The following LSM10 variants were observed in gnomAD, a reference collection of about 807,000 sequenced individuals.
LSM10 encodes the protein LSM10, U7 small nuclear RNA associated.
LSM10 carries 4 observed loss-of-function variants against 5.2 expected under a neutral mutation model. The ratio of observed to expected loss-of-function variants is 0.77; its 90% CI spans 0.38 to 1.77. The LOEUF is 1.77. LSM10 is among the 40% of genes most tolerant of loss of function. The pLI is 0.04. For synonymous variants in LSM10, 63 were observed against 67.4 expected (o/e 0.94, Z 0.32); for missense variants, 150 against 171.6 (o/e 0.87, Z 0.70).
In LSM10 at chr1:36,394,173, G is replaced by A. The variant is rs1341384837; in HGVS notation, c.-24-20C>T. 13 of 1,581,446 alleles carry A rather than the reference G, an allele frequency of 8.2e-6. No homozygotes were observed. Among genetic ancestry groups the A allele is most frequent in the Non-Finnish European group, 1.1e-5 (13 of 1,164,590 alleles). On this transcript the variant is annotated intron_variant, in intron 1 of 1. Coordinates refer to ENST00000315732, the MANE Select transcript of LSM10 (RefSeq NM_032881.3). ...TGCTTGCTGTGGACAGGAGCACACA[G>A]ATGGCAGCTATAGCAGGGTAGGGGG... is the stretch of plus-strand genomic sequence containing the variant.
intron 1 of LSM10, among the ~76,000 whole-genome samples, chr1:36,396,955 G>A (rs888781043): frequency 8.8e-5 from 13 of 147,388 alleles, no homozygotes; most frequent in Non-Finnish European, 1.5e-4. Context: ...GTGACACAGC[G>A]AGACTCTCAG....
At position 36,394,157 on chromosome 1, in the gene LSM10, T is replaced by C; in HGVS notation, c.-24-4A>G. ...TTCCACACCAGCTGCCTGCTTGCTG[T>C]GGACAGGAGCACACAGATGGCAGCT... On this transcript the variant is annotated splice_region_variant and splice_polypyrimidine_tract_variant and intron_variant, in intron 1 of 1. Coordinates refer to ENST00000315732, the MANE Select transcript of LSM10 (RefSeq NM_032881.3). 12 of 1,596,050 alleles carry C rather than the reference T, an allele frequency of 7.5e-6. No homozygotes were observed. Among genetic ancestry groups the C allele is most frequent in the Non-Finnish European group, 1.0e-5 (12 of 1,172,138 alleles).
intron 1 of LSM10, among the ~76,000 whole-genome samples, chr1:36,395,992 C>T (rs1405931559): frequency 6.6e-6 from 1 of 151,762 alleles, no homozygotes; most frequent in Non-Finnish European, 1.5e-5. Context: ...GAGACCGAGG[C>T]GGGCGGATCA....
At chr1:36,394,647 A>C (rs1419469870) in intron 1 of LSM10, among the ~76,000 whole-genome samples, 1 of 152,058 alleles carries the variant, frequency 6.6e-6, no homozygotes, top group East Asian at 1.9e-4. Context: ...TCTACTAAAA[A>C]TGCAAAAAAA....
rs367621891 is a variant in LSM10, at chr1:36,394,450, C to T, written c.-24-297G>A. Among the ~76,000 whole-genome samples, 29 of 151,994 alleles carry T rather than the reference C, an allele frequency of 1.9e-4. No homozygotes were observed. In the East Asian group the frequency reaches 4.5e-3, roughly 23 times the overall value. ...GACTGAGGTAGGAGCTTCACTTGAG[C>T]CCAAGAGCTCTGCTGACCTGCTTGG... On this transcript the variant is annotated intron_variant, in intron 1 of 1. Coordinates refer to ENST00000315732, the MANE Select transcript of LSM10 (RefSeq NM_032881.3).
chr1:36,394,214 A>T (rs1017219156), intron 1 of LSM10, 61 bp from the exon 2 acceptor site: 1 of 1,476,694 alleles, frequency 6.8e-7, no homozygotes, highest in African/African-American at 1.4e-5. Context: ...TTGCCAACTC[A>T]CCTCCACCAG....
intron 1 of LSM10, among the ~76,000 whole-genome samples, chr1:36,395,031 C>A (rs1647147849): frequency 6.6e-6 from 1 of 152,128 alleles, no homozygotes; most frequent in Non-Finnish European, 1.5e-5. Context: ...TGCTTGAACC[C>A]AGGAGGCAGA....
rs759762022 is a variant in LSM10, at chr1:36,394,043, G to T, written c.87C>A (p.Thr29=). The T allele has an allele frequency of 1.2e-6, 2 of 1,614,202 alleles. No homozygotes were observed. The highest frequency in any genetic ancestry group is 2.2e-5 in the South Asian group (2 of 91,088). ...ILLQGLQGRV[T]TVDLRDESVA... is the part of the protein sequence containing the mutation. ...CGCTCTCATCCCGCAGGTCCACAGTGGTTACCCGGCCCTGGAGGCCCTGCA... is the reference window on the plus strand; with the variant it reads ...CGCTCTCATCCCGCAGGTCCACAGTTGTTACCCGGCCCTGGAGGCCCTGCA... Residue 29 remains threonine (T), a synonymous_variant, in exon 2 of 2, where the codon ACC becomes ACA. Transcript: ENST00000315732.
At position 36,393,790 on chromosome 1, in the gene LSM10, G is replaced by C; in HGVS notation, c.340C>G (p.Arg114Gly). Residue 114 changes from arginine (R) to glycine (G), a missense_variant, in exon 2 of 2, where the codon CGG becomes GGG. Coordinates refer to ENST00000315732, the MANE Select transcript of LSM10 (RefSeq NM_032881.3). ...CAGTTTTTTGGGGGAAATTCCCACC[G>C]GCCTTGGCCCTTGCCACCAAAGTTT... ...VRNFGGKGQGRWEFPPKNCK is the reference protein window; with the variant it reads ...VRNFGGKGQGGWEFPPKNCK 6.2e-7 allele frequency: 1 copy of C among 1,614,210 alleles called. No individual in the cohort carries two copies. Among genetic ancestry groups the C allele is most frequent in the Non-Finnish European group, 8.5e-7 (1 of 1,180,028 alleles).
rs1430864685 is a variant in LSM10, at chr1:36,393,933, T to C, written c.197A>G (p.Gln66Arg). ...CACAAAGAGGTCATCCAGCTTGACC[T>C]GATGCCCCCAACGGTCCGTGTAGGT... Reference protein sequence around the residue: ...KVTYTDRWGHQVKLDDLFVTG... With the variant: ...KVTYTDRWGHRVKLDDLFVTG... Residue 66 changes from glutamine (Q) to arginine (R), a missense_variant, in exon 2 of 2, where the codon CAG becomes CGG. Gln to Arg is a conservative substitution (Grantham distance 43). Coordinates refer to ENST00000315732, the MANE Select transcript of LSM10 (RefSeq NM_032881.3). The C allele has an allele frequency of 6.2e-7, 1 of 1,614,122 alleles. No homozygotes were observed. Among genetic ancestry groups the C allele is most frequent in the African/African-American group, 1.3e-5 (1 of 74,942 alleles).
intron 1 of LSM10, among the ~76,000 whole-genome samples, chr1:36,395,064 G>A (rs1647148533): frequency 6.6e-6 from 1 of 152,144 alleles, no homozygotes; most frequent in South Asian, 2.1e-4. Context: ...CCAAGATTGC[G>A]CCATTGCACT....
chr1:36,397,076 C>CA (rs1647162216), intron 1 of LSM10, among the ~76,000 whole-genome samples: 1 of 152,176 alleles, frequency 6.6e-6, no homozygotes, highest in South Asian at 2.1e-4. Flanking sequence ...TTGGAATCCC[C>CA]ACTCCACCCC....
intron 1 of LSM10, among the ~76,000 whole-genome samples, chr1:36,394,793 AAG>A (rs56690092): frequency 0.3 from 44,845 of 148,454 alleles, 7,016 homozygotes; most frequent in African/African-American, 0.34. Flanking sequence ...TCTCAAAAAA[AAG>A]AAAAACCTAT....
intron 1 of LSM10, among the ~76,000 whole-genome samples, chr1:36,396,253 A>C (rs4653185): frequency 0.31 from 43,089 of 138,270 alleles, 7,067 homozygotes; most frequent in African/African-American, 0.34. Context: ...AAAAAAAGAA[A>C]GCTCCCCAGA....
At chr1:36,394,343 T>C (rs1464169605) in intron 1 of LSM10, among the ~76,000 whole-genome samples, 190 bp from the exon 2 acceptor site, 2 of 152,216 alleles carry the variant, frequency 1.3e-5, no homozygotes, top group Admixed American at 1.3e-4. Flanking sequence ...AAGGATTACT[T>C]ATGCTCATTT....
intron 1 of LSM10, among the ~76,000 whole-genome samples, chr1:36,397,260 C>G (rs944336935): frequency 4.6e-5 from 7 of 152,162 alleles, no homozygotes; most frequent in African/African-American, 1.7e-4. Flanking sequence ...TATTTTCAGA[C>G]CTGAGTTAAA....
intron 1 of LSM10, among the ~76,000 whole-genome samples, chr1:36,397,164 C>T (rs1283831933): frequency 6.6e-6 from 1 of 152,188 alleles, no homozygotes; most frequent in African/African-American, 2.4e-5. Context: ...AACAAAGCTA[C>T]CAGAATCACA....
At chr1:36,395,210 C>T (rs983545723) in intron 1 of LSM10, among the ~76,000 whole-genome samples, 10 of 151,994 alleles carry the variant, frequency 6.6e-5, no homozygotes, top group African/African-American at 1.9e-4. Flanking sequence ...ATGGTCAATG[C>T]AATGTTCAAA....
At chr1:36,394,515 C>T (rs1012381982) in intron 1 of LSM10, among the ~76,000 whole-genome samples, 7 of 152,094 alleles carry the variant, frequency 4.6e-5, no homozygotes, top group African/African-American at 1.7e-4. Context: ...TTTAAAAAAA[C>T]CTACAAGAAG....
Sources: allele counts gnomAD v4.1 joint callset (sites outside exome capture counted in the v4.1 genomes callset), GRCh38; gene constraint gnomAD v4.1.1; transcripts MANE v1.5; gene names NCBI Gene and HGNC (gene_info 2026-07-23, HGNC 2026-07-21).